The following MYO3B variants were observed in gnomAD, a reference collection of about 807,000 sequenced individuals.
MYO3B encodes myosin IIIB.
MYO3B carries 156 observed loss-of-function variants against 174.6 expected under a neutral mutation model. The ratio of observed to expected loss-of-function variants is 0.89; its 90% confidence interval spans 0.78 to 1.02. MYO3B has a LOEUF of 1.02. Ranked by LOEUF, MYO3B falls within the 50% of genes least tolerant of loss-of-function variation. MYO3B has a pLI of 0.00. For missense variants in MYO3B, 1,632 were observed against 1,639.4 expected (o/e 1.00, Z 0.08); for synonymous variants, 563 against 569.1 (o/e 0.99, Z 0.15).
chr2:170,233,214 T>A lies in MYO3B; in HGVS notation c.604-2777T>A, dbSNP rs151163621. ...AAGCATTTAGAGCCCATATCCTTTA[T>A]TGGACGTGTTAGTACACATTGTCTT... On this transcript the variant is annotated intron_variant, in intron 6 of 34. Coordinates refer to ENST00000408978, the MANE Select transcript of MYO3B (RefSeq NM_138995.5). 2.9e-3 allele frequency among the ~76,000 whole-genome samples: 446 copies of A among 152,342 alleles called. 1 individual carries two copies. The highest frequency in any genetic ancestry group is 0.01 in the African/African-American group (430 of 41,578).
At chr2:170,613,775 C>T (rs140871159) in intron 32 of MYO3B, among the ~76,000 whole-genome samples, 16 of 152,190 alleles carry the variant, frequency 1.1e-4, no homozygotes, top group African/African-American at 2.9e-4. Flanking sequence ...AAGGAAGAGA[C>T]GAGACAAGAC....
At chr2:170,636,316 C>CCTAA (rs1247456809) in intron 32 of MYO3B, among the ~76,000 whole-genome samples, 3 of 151,964 alleles carry the variant, frequency 2.0e-5, no homozygotes, top group African/African-American at 7.3e-5. Flanking sequence ...TTGAAGATAA[C>CCTAA]CTAACTTCCA....
At chr2:170,569,343 T>A (rs1692274765) in intron 32 of MYO3B, among the ~76,000 whole-genome samples, 1 of 152,110 alleles carries the variant, frequency 6.6e-6, no homozygotes, top group South Asian at 2.1e-4. Flanking sequence ...GTTCTTCCCT[T>A]CACAATAATG....
At position 170,535,166 on chromosome 2, in the gene MYO3B, A is replaced by G. The variant is rs80065587; in HGVS notation, c.3576-7740A>G. Among the ~76,000 whole-genome samples the G allele has an allele frequency of 2.6e-5, 4 of 152,244 alleles. No individual in the cohort carries two copies. The East Asian group carries it at 7.7e-4, about 29-fold the overall frequency. On this transcript the variant is annotated intron_variant, in intron 30 of 34. Transcript: ENST00000408978. Reference sequence around the variant, plus strand: ...AGGTTCATGAGCAGAGGACTATTGGATCTCCTCTGCTGTATCCCCAGTACT... The same window carrying G: ...AGGTTCATGAGCAGAGGACTATTGGGTCTCCTCTGCTGTATCCCCAGTACT...
chr2:170,188,691 T>G (rs1457567700), intron 1 of MYO3B, among the ~76,000 whole-genome samples: 2 of 152,148 alleles, frequency 1.3e-5, no homozygotes, highest in African/African-American at 4.8e-5. Context: ...ATTATTTTAT[T>G]AATAAACTAA....
At chr2:170,232,182 A>T (rs2093022535) in intron 6 of MYO3B, among the ~76,000 whole-genome samples, 1 of 152,208 alleles carries the variant, frequency 6.6e-6, no homozygotes, top group Non-Finnish European at 1.5e-5. Context: ...AGACCATTCG[A>T]CCATCCAAGC....
At chr2:170,421,545 C>T (rs986545792) in intron 22 of MYO3B, among the ~76,000 whole-genome samples, 2 of 152,232 alleles carry the variant, frequency 1.3e-5, no homozygotes, top group South Asian at 4.1e-4. Flanking sequence ...GCCACCCTGA[C>T]TGGACCGCAT....
intron 25 of MYO3B, among the ~76,000 whole-genome samples, chr2:170,479,464 C>T (rs1685540243): frequency 7.0e-6 from 1 of 143,126 alleles, no homozygotes; most frequent in Admixed American, 7.1e-5. Flanking sequence ...TATATATATA[C>T]ACACACATAT....
chr2:170,293,890 T>G (rs1403665201), intron 7 of MYO3B, among the ~76,000 whole-genome samples: 3 of 152,130 alleles, frequency 2.0e-5, no homozygotes, highest in Non-Finnish European at 2.9e-5. Flanking sequence ...ACTTCTTGGT[T>G]TCAGGATGCC....
At chr2:170,294,154 T>C (rs1289456864) in intron 7 of MYO3B, among the ~76,000 whole-genome samples, 12 of 152,062 alleles carry the variant, frequency 7.9e-5, no homozygotes, top group Non-Finnish European at 1.8e-4. Context: ...AGTTTTTGGC[T>C]CAATCAACTT....
Position 170,221,084 on chromosome 2 carries a change from C to G in MYO3B, c.603+3689C>G, listed in dbSNP as rs192776961. ...TGTCCATCTGAGCAATGCTTTGGGT[C>G]AAGAACAGTCCTTGAAAGTATAATC... On this transcript the variant is annotated intron_variant, in intron 6 of 34. Transcript: ENST00000408978. 7.8e-4 allele frequency among the ~76,000 whole-genome samples: 119 copies of G among 152,244 alleles called. 1 individual carries two copies. Among genetic ancestry groups the G allele is most frequent in the Admixed American group, 7.6e-3 (116 of 15,288 alleles).
chr2:170,359,396 C>T (rs548314867), intron 8 of MYO3B, among the ~76,000 whole-genome samples: 72 of 151,522 alleles, frequency 4.8e-4, no homozygotes, highest in African/African-American at 1.7e-3. Flanking sequence ...GAATTCACTC[C>T]TTCCCTCTAA....
intron 14 of MYO3B, among the ~76,000 whole-genome samples, chr2:170,390,654 A>G (rs1013959719): frequency 6.6e-6 from 1 of 152,198 alleles, no homozygotes; most frequent in African/African-American, 2.4e-5. Flanking sequence ...GGTTGACCAA[A>G]GAAAAGATTT....
intron 1 of MYO3B, among the ~76,000 whole-genome samples, chr2:170,178,529 C>G (rs2092359929): frequency 7.7e-6 from 1 of 130,660 alleles, no homozygotes; most frequent in Non-Finnish European, 1.6e-5. Context: ...TTGAGTATTG[C>G]TTTTTACACA....
intron 7 of MYO3B, among the ~76,000 whole-genome samples, chr2:170,311,169 T>G (rs747927102): frequency 6.6e-6 from 1 of 152,172 alleles, no homozygotes; most frequent in Non-Finnish European, 1.5e-5. Context: ...GATTCTGTGT[T>G]TTAGCCTTTT....
At chr2:170,330,672 G>A (rs2093905379) in intron 7 of MYO3B, among the ~76,000 whole-genome samples, 1 of 152,148 alleles carries the variant, frequency 6.6e-6, no homozygotes, top group African/African-American at 2.4e-5. Flanking sequence ...ATCAGCTAAT[G>A]TCTACAATGA....
intron 17 of MYO3B, among the ~76,000 whole-genome samples, chr2:170,401,178 G>A (rs1007718900): frequency 2.6e-5 from 4 of 152,124 alleles, no homozygotes; most frequent in South Asian, 2.1e-4. Context: ...TTTAATATAT[G>A]AATGTATTTT....
At chr2:170,477,565 A>G (rs1262315369) in intron 25 of MYO3B, among the ~76,000 whole-genome samples, 1 of 152,014 alleles carries the variant, frequency 6.6e-6, no homozygotes, top group African/African-American at 2.4e-5. Context: ...GACTGTGAAT[A>G]GCAAATAAAC....
At chr2:170,596,891 C>T (rs1316836393) in intron 32 of MYO3B, among the ~76,000 whole-genome samples, 1 of 152,228 alleles carries the variant, frequency 6.6e-6, no homozygotes, top group African/African-American at 2.4e-5. Context: ...CCCCTTCTAA[C>T]TAGGTGTACT....
Sources: allele counts gnomAD v4.1 joint callset (sites outside exome capture counted in the v4.1 genomes callset), GRCh38; gene constraint gnomAD v4.1.1; transcripts MANE v1.5; gene names NCBI Gene and HGNC (gene_info 2026-07-23, HGNC 2026-07-21).